CTNNA2: variants seen among roughly 807,000 people sequenced by gnomAD.
The protein encoded by CTNNA2 is catenin alpha 2, also known as catenin alpha-2.
A neutral mutation model predicts 101.0 loss-of-function variants in CTNNA2; 42 were observed. That is an observed-to-expected ratio of 0.42 (90% CI 0.32 to 0.54). The LOEUF is 0.54. Ranked by LOEUF, CTNNA2 falls within the 20% of genes least tolerant of loss-of-function variation. The pLI is 0.14. For synonymous variants in CTNNA2, 450 were observed against 456.4 expected (o/e 0.99, Z 0.18); for missense variants, 871 against 1,223.1 (o/e 0.71, Z 4.29).
At chr2:79,847,459 C>T (rs568658544) in intron 3 of CTNNA2, among the ~76,000 whole-genome samples, 5 of 128,392 alleles carry the variant, frequency 3.9e-5, no homozygotes, top group Admixed American at 9.8e-5. Context: ...AGGAGAATTG[C>T]TTGAACCTGG....
intron 7 of CTNNA2, among the ~76,000 whole-genome samples, chr2:80,277,453 A>G (rs1303516110): frequency 1.3e-5 from 2 of 151,028 alleles, no homozygotes; most frequent in East Asian, 4.0e-4. Flanking sequence ...CTACCTATGA[A>G]TCCCACCATG....
chr2:80,081,632 T>C (rs1699156066), intron 7 of CTNNA2, among the ~76,000 whole-genome samples: 1 of 152,154 alleles, frequency 6.6e-6, no homozygotes, highest in Admixed American at 6.5e-5. Context: ...GGAGAAACTT[T>C]ATTTTCCCTC....
chr2:79,743,080 GC>G (rs1671402777), intron 2 of CTNNA2, among the ~76,000 whole-genome samples: 1 of 151,970 alleles, frequency 6.6e-6, no homozygotes, highest in Admixed American at 6.6e-5. Context: ...TTGTAGACTG[GC>G]TTTCTTAATA....
chr2:80,204,219 C>T (rs941629096), intron 7 of CTNNA2, among the ~76,000 whole-genome samples: 2 of 152,228 alleles, frequency 1.3e-5, no homozygotes, highest in East Asian at 3.8e-4. Flanking sequence ...TAACATTTGG[C>T]TCCTCATTAC....
chr2:79,259,922 C>T (rs972576704), intron 2 of CTNNA2, among the ~76,000 whole-genome samples: 1 of 152,146 alleles, frequency 6.6e-6, no homozygotes, highest in Admixed American at 6.5e-5. Context: ...AGTTTGGGTG[C>T]AAGAAACTAT....
chr2:79,198,368 A>T (rs187210646), intron 2 of CTNNA2, among the ~76,000 whole-genome samples: 1 of 152,334 alleles, frequency 6.6e-6, no homozygotes, highest in East Asian at 1.9e-4. Flanking sequence ...AATCTAAATA[A>T]ACAACAAAAC....
chr2:79,527,862 A>G (rs911322874), intron 1 of CTNNA2, among the ~76,000 whole-genome samples: 3 of 152,190 alleles, frequency 2.0e-5, no homozygotes, highest in African/African-American at 4.8e-5. Flanking sequence ...AACTCTGTAC[A>G]TTTATATCCA....
At chr2:79,745,900 G>A (rs940822448) in intron 3 of CTNNA2, among the ~76,000 whole-genome samples, 1 of 152,066 alleles carries the variant, frequency 6.6e-6, no homozygotes, top group Non-Finnish European at 1.5e-5. Context: ...CCTGCTTTCA[G>A]TTCTTTTGGA....
intron 9 of CTNNA2, among the ~76,000 whole-genome samples, chr2:80,507,019 G>C (rs532903662): frequency 3.3e-5 from 5 of 152,236 alleles, no homozygotes; most frequent in African/African-American, 1.2e-4. Context: ...TTCAGTATAC[G>C]TTAGTGATTA....
chr2:80,389,531 C>T (rs889058942), intron 7 of CTNNA2, among the ~76,000 whole-genome samples: 20 of 152,096 alleles, frequency 1.3e-4, no homozygotes, highest in African/African-American at 4.6e-4. Flanking sequence ...CTGTCTCACT[C>T]TCAGTAGCTG....
At chr2:80,384,782 C>A (rs530892123) in intron 7 of CTNNA2, among the ~76,000 whole-genome samples, 1 of 152,128 alleles carries the variant, frequency 6.6e-6, no homozygotes, top group African/African-American at 2.4e-5. Context: ...AGATGCCCTG[C>A]CAAGACATGA....
chr2:80,408,381 G>A (rs942772563), intron 8 of CTNNA2, among the ~76,000 whole-genome samples: 1 of 152,160 alleles, frequency 6.6e-6, no homozygotes, highest in African/African-American at 2.4e-5. Context: ...CTTGCTTCAT[G>A]CTCTTTAACC....
At chr2:79,348,307 T>A (rs1677308669) in intron 3 of CTNNA2, among the ~76,000 whole-genome samples, 1 of 152,204 alleles carries the variant, frequency 6.6e-6, no homozygotes, top group African/African-American at 2.4e-5. Context: ...AGGTTTAGAA[T>A]GGCTGAATTA....
At chr2:80,602,592 C>T (rs1697648081) in intron 15 of CTNNA2, among the ~76,000 whole-genome samples, 1 of 152,014 alleles carries the variant, frequency 6.6e-6, no homozygotes, top group African/African-American at 2.4e-5. Context: ...TATTATTAAA[C>T]ATTGACAGAT....
At chr2:79,883,235 A>G (rs1683586430) in intron 6 of CTNNA2, among the ~76,000 whole-genome samples, 1 of 152,198 alleles carries the variant, frequency 6.6e-6, no homozygotes, top group African/African-American at 2.4e-5. Context: ...AAGTGTCTTA[A>G]CATTTTATAG....
At chr2:80,168,737 A>G (rs1704856024) in intron 7 of CTNNA2, among the ~76,000 whole-genome samples, 1 of 152,180 alleles carries the variant, frequency 6.6e-6, no homozygotes. Flanking sequence ...CAATTAAATC[A>G]GATTGTCTAT....
intron 1 of CTNNA2, among the ~76,000 whole-genome samples, chr2:79,564,666 A>C (rs567225998): frequency 6.6e-6 from 1 of 152,288 alleles, no homozygotes; most frequent in Non-Finnish European, 1.5e-5. Context: ...CACACATTAA[A>C]ATTTTTTAAA....
At chr2:80,062,997 G>T (rs556349464) in intron 7 of CTNNA2, among the ~76,000 whole-genome samples, 1 of 152,000 alleles carries the variant, frequency 6.6e-6, no homozygotes, top group African/African-American at 2.4e-5. Context: ...GAGCCACCGC[G>T]CCCGGCCAAA....
chr2:79,844,857 T>C (rs1034319266), intron 3 of CTNNA2, among the ~76,000 whole-genome samples: 3 of 152,084 alleles, frequency 2.0e-5, no homozygotes, highest in African/African-American at 7.2e-5. Flanking sequence ...CTATACTCTT[T>C]GTCTTTTAGA....
Sources: gnomAD v4.1 joint callset for allele counts (sites outside exome capture counted in the v4.1 genomes callset) on GRCh38, gnomAD v4.1.1 for gene constraint, MANE v1.5 for transcripts, NCBI Gene and HGNC (gene_info 2026-07-23, HGNC 2026-07-21) for gene names.